Variants in MSH4 observed in about 807,000 individuals in gnomAD.
MSH4 encodes the protein mutS homolog 4, also known as mutS protein homolog 4.
A neutral mutation model predicts 113.7 loss-of-function variants in MSH4; 106 were observed. The ratio of observed to expected loss-of-function variants is 0.93; its 90% CI spans 0.80 to 1.10. MSH4 has a LOEUF of 1.10. Ranked by LOEUF, MSH4 falls within the 50% of genes least tolerant of loss-of-function variation. The pLI, the probability that MSH4 is intolerant of heterozygous loss-of-function variation, is 0.00. For synonymous variants in MSH4, 368 were observed against 380.2 expected (o/e 0.97, Z 0.37); for missense variants, 1,061 against 1,093.7 (o/e 0.97, Z 0.42).
chr1:75,868,863 C>T (rs1651647732), intron 9 of MSH4, among the ~76,000 whole-genome samples: 1 of 152,184 alleles, frequency 6.6e-6, no homozygotes, highest in Non-Finnish European at 1.5e-5. Flanking sequence ...TCAATTAAAC[C>T]TTTTTCCTTT....
chr1:75,864,152 A>G (rs1651516149), intron 8 of MSH4, among the ~76,000 whole-genome samples: 1 of 152,178 alleles, frequency 6.6e-6, no homozygotes, highest in South Asian at 2.1e-4. Flanking sequence ...CTTCAAGTCA[A>G]CATTTTATTT....
intron 17 of MSH4, among the ~76,000 whole-genome samples, chr1:75,897,439 C>G (rs996907202): frequency 1.3e-5 from 2 of 152,120 alleles, no homozygotes; most frequent in African/African-American, 4.8e-5. Context: ...TTTGACATAC[C>G]TAAGACAATC....
At chr1:75,823,925 T>G (rs758306947) in intron 7 of MSH4, among the ~76,000 whole-genome samples, 12 of 152,186 alleles carry the variant, frequency 7.9e-5, no homozygotes, top group Non-Finnish European at 1.8e-4. Context: ...TAAATAGTGC[T>G]GCAGTAAACA....
In MSH4 at chr1:75,848,279, A is replaced by G. The variant is rs1381420699; in HGVS notation, c.1230+3A>G. On this transcript the variant is annotated splice_donor_region_variant and intron_variant, in intron 8 of 19. Transcript: ENST00000263187. ...TCCAAATTCCAAAGCAAGACACGGTATGTTTTTGTATACATTTTGTATTAT... is the reference window on the plus strand; with the variant it reads ...TCCAAATTCCAAAGCAAGACACGGTGTGTTTTTGTATACATTTTGTATTAT... The G allele has an allele frequency of 6.4e-7, 1 of 1,571,802 alleles. No individual in the cohort carries two copies. The highest frequency in any genetic ancestry group is 1.7e-5 in the Admixed American group (1 of 59,494).
intron 7 of MSH4, among the ~76,000 whole-genome samples, chr1:75,839,211 ATCTTTT>A (rs1650897216): frequency 6.6e-6 from 1 of 151,802 alleles, no homozygotes; most frequent in Non-Finnish European, 1.5e-5. Flanking sequence ...TGTTTTCTAT[ATCTTTT>A]TCTTTTCTTT....
intron 7 of MSH4, among the ~76,000 whole-genome samples, chr1:75,837,090 G>C (rs1239860485): frequency 6.6e-6 from 1 of 152,110 alleles, no homozygotes; most frequent in Non-Finnish European, 1.5e-5. Flanking sequence ...GGGGCCTTTA[G>C]GGGGTGGTTA....
intron 7 of MSH4, among the ~76,000 whole-genome samples, chr1:75,847,627 C>T (rs1651102754): frequency 6.6e-6 from 1 of 152,120 alleles, no homozygotes; most frequent in Non-Finnish European, 1.5e-5. Flanking sequence ...ATGGCATTGG[C>T]ATCTACTCAG....
intron 9 of MSH4, among the ~76,000 whole-genome samples, chr1:75,867,836 C>A (rs915448281): frequency 2.0e-5 from 3 of 151,894 alleles, no homozygotes; most frequent in Non-Finnish European, 4.4e-5. Flanking sequence ...AGTCTCCCAA[C>A]AAAAAGATGT....
intron 17 of MSH4, among the ~76,000 whole-genome samples, chr1:75,897,450 T>C (rs1652409738): frequency 6.6e-6 from 1 of 152,140 alleles, no homozygotes; most frequent in South Asian, 2.1e-4. Flanking sequence ...TAAGACAATC[T>C]CTTGATTCCA....
At chr1:75,882,663 T>TA (rs35936506) in intron 14 of MSH4, among the ~76,000 whole-genome samples, 2,538 of 123,690 alleles carry the variant, frequency 0.021, 49 homozygotes, top group Non-Finnish European at 0.027. Flanking sequence ...ACCTCATTTC[T>TA]AAAAAAAAAA....
chr1:75,890,963 G>A (rs5745507), intron 17 of MSH4, 139 bp downstream of exon 17: 290,975 of 747,152 alleles, frequency 0.39, 58,453 homozygotes, highest in African/African-American at 0.5. Context: ...TTATATTTTT[G>A]TTCCTTCATT....
intron 4 of MSH4, among the ~76,000 whole-genome samples, chr1:75,813,421 G>A (rs1242610563): frequency 6.6e-6 from 1 of 152,118 alleles, no homozygotes; most frequent in South Asian, 2.1e-4. Flanking sequence ...AAGTCAGATT[G>A]TCCCGGTTTC....
intron 14 of MSH4, among the ~76,000 whole-genome samples, chr1:75,882,093 T>G (rs1651946858): frequency 6.6e-6 from 1 of 152,136 alleles, no homozygotes; most frequent in South Asian, 2.1e-4. Context: ...TAAGATTTTT[T>G]CATATTTCTT....
intron 5 of MSH4, 70 bp downstream of exon 5, chr1:75,815,206 T>C: frequency 1.2e-6 from 1 of 826,290 alleles, no homozygotes; most frequent in Non-Finnish European, 1.8e-6. Context: ...AAGTTATAAC[T>C]TAAGGAAAGT....
chr1:75,870,437 C>T (rs1651686146), intron 9 of MSH4, among the ~76,000 whole-genome samples: 1 of 152,068 alleles, frequency 6.6e-6, no homozygotes, highest in South Asian at 2.1e-4. Context: ...GGGCTAGGGG[C>T]AGAATTATAT....
chr1:75,847,680 G>A (rs987329920), intron 7 of MSH4, among the ~76,000 whole-genome samples: 1 of 152,124 alleles, frequency 6.6e-6, no homozygotes, highest in Non-Finnish European at 1.5e-5. Flanking sequence ...CATGGAGGAT[G>A]GTCAAGGAGG....
At chr1:75,875,889 T>C (rs967997157) in intron 9 of MSH4, among the ~76,000 whole-genome samples, 1 of 152,142 alleles carries the variant, frequency 6.6e-6, no homozygotes, top group African/African-American at 2.4e-5. Context: ...TTGGGAATGA[T>C]AGTGATGCCA....
At chr1:75,870,695 C>G (rs1651695004) in intron 9 of MSH4, among the ~76,000 whole-genome samples, 1 of 152,096 alleles carries the variant, frequency 6.6e-6, no homozygotes, top group South Asian at 2.1e-4. Flanking sequence ...GTGAGGCCTC[C>G]CCAGCCATGT....
chr1:75,831,395 A>G (rs1455078098), intron 7 of MSH4, among the ~76,000 whole-genome samples: 1 of 152,150 alleles, frequency 6.6e-6, no homozygotes, highest in Non-Finnish European at 1.5e-5. Flanking sequence ...AAACTTAACA[A>G]GGATATCCAG....
Sources: gnomAD v4.1 joint callset for allele counts (sites outside exome capture counted in the v4.1 genomes callset) on GRCh38, gnomAD v4.1.1 for gene constraint, MANE v1.5 for transcripts, NCBI Gene and HGNC (gene_info 2026-07-23, HGNC 2026-07-21) for gene names.